Variants in METTL8 observed in about 807,000 individuals in gnomAD.
METTL8 encodes the protein methyltransferase 8, tRNA N3-cytidine.
METTL8 carries 32 observed loss-of-function variants against 48.7 expected under a neutral mutation model. That is an observed-to-expected ratio of 0.66 (90% CI 0.50 to 0.88). The LOEUF is 0.88. Ranked by LOEUF, METTL8 falls within the 40% of genes least tolerant of loss-of-function variation. The pLI, the probability that METTL8 is intolerant of heterozygous loss-of-function variation, is 0.00. For synonymous variants in METTL8, 136 were observed against 157.1 expected (o/e 0.87, Z 1.01); for missense variants, 464 against 474.4 (o/e 0.98, Z 0.20).
At chr2:171,426,071 C>A (rs1383432776) in intron 1 of METTL8, among the ~76,000 whole-genome samples, 1 of 152,132 alleles carries the variant, frequency 6.6e-6, no homozygotes, top group African/African-American at 2.4e-5. Flanking sequence ...GCAGGAGAAT[C>A]TCTTGAACCC....
chr2:171,351,166 C>T (rs1051074680), intron 3 of METTL8, among the ~76,000 whole-genome samples: 25 of 152,072 alleles, frequency 1.6e-4, no homozygotes, highest in South Asian at 1.0e-3. Flanking sequence ...GGATCCAGTT[C>T]CAGCTTTCTA....
At chr2:171,407,935 A>G (rs1420721354) in intron 1 of METTL8, among the ~76,000 whole-genome samples, 1 of 152,248 alleles carries the variant, frequency 6.6e-6, no homozygotes, top group East Asian at 1.9e-4. Context: ...GAAGACACAT[A>G]GCACACAACA....
chr2:171,432,221 A>C (rs528157673), intron 1 of METTL8, among the ~76,000 whole-genome samples: 3 of 148,040 alleles, frequency 2.0e-5, no homozygotes, highest in Non-Finnish European at 4.5e-5. Flanking sequence ...GTGGCAAAGC[A>C]ACGTCAAAAA....
intron 1 of METTL8, among the ~76,000 whole-genome samples, chr2:171,400,832 A>T (rs563312700): frequency 7.2e-5 from 11 of 152,318 alleles, no homozygotes; most frequent in Non-Finnish European, 1.2e-4. Context: ...TAGAGCAAAC[A>T]GTACTGCTGT....
intron 2 of METTL8, among the ~76,000 whole-genome samples, chr2:171,366,439 A>G (rs1685723354): frequency 6.6e-6 from 1 of 152,204 alleles, no homozygotes; most frequent in African/African-American, 2.4e-5. Flanking sequence ...AAGGAAGGCA[A>G]CATAATCCAG....
intron 3 of METTL8, among the ~76,000 whole-genome samples, chr2:171,356,248 C>A (rs1443460910): frequency 2.6e-5 from 4 of 152,242 alleles, no homozygotes. Flanking sequence ...TCAAGCTATT[C>A]TCCTGCCTCA....
Position 171,339,385 on chromosome 2 carries a change from A to C in METTL8, c.405T>G (p.Thr135=), listed in dbSNP as rs769698058. Residue 135 remains threonine, a synonymous_variant, in exon 4 of 10, where the codon ACT becomes ACG. Coordinates refer to ENST00000375258, the MANE Select transcript of METTL8 (RefSeq NM_001321154.2). ...TTCTTGAGAAACGATTTGTAGCACT[A>C]GTTTTTACATGATCCCATGATGATT... The part of the protein sequence containing the change: ...ARESSWDHVK[T]SATNRFSRMH... 6.2e-7 allele frequency: 1 copy of C among 1,613,428 alleles called. No individual in the cohort carries two copies. The highest frequency in any genetic ancestry group is 1.1e-5 in the South Asian group (1 of 91,004).
intron 6 of METTL8, 90 bp downstream of exon 6, chr2:171,331,714 G>T: frequency 1.9e-6 from 2 of 1,037,346 alleles, no homozygotes; most frequent in East Asian, 2.6e-5. Context: ...ACCACGCCCT[G>T]CCTCTAGTGA....
rs1655018343 is a variant in METTL8, at chr2:171,419,514, C to G, written c.-13+14369G>C. Among the ~76,000 whole-genome samples the G allele has an allele frequency of 2.0e-5, 3 of 152,110 alleles. No homozygotes were observed. The South Asian group carries it at 6.2e-4, about 31-fold the overall frequency. On this transcript the variant is annotated intron_variant, in intron 1 of 9. Coordinates refer to ENST00000375258, the MANE Select transcript of METTL8 (RefSeq NM_001321154.2). ...TAATAATTGTTCGATTCTAGTACAC[C>G]TGTATAGTGGTTTCAGAATTATTAC...
chr2:171,353,561 A>G (rs1242623657), intron 3 of METTL8, among the ~76,000 whole-genome samples: 1 of 152,172 alleles, frequency 6.6e-6, no homozygotes, highest in African/African-American at 2.4e-5. Flanking sequence ...TAATGTTGAC[A>G]GTGGGGTGTT....
rs140499665 is a variant in METTL8, at chr2:171,382,793, C to G, written c.143+9250G>C. 1.3e-3 allele frequency among the ~76,000 whole-genome samples: 201 copies of G among 152,186 alleles called. 4 individuals carry two copies. In the East Asian group the frequency reaches 0.014, roughly 11 times the overall value. ...AACAAACAAAAAACACACATCTGGGCCAGACGCGGTGGCTCACGCCTGTAA... is the reference window on the plus strand; with the variant it reads ...AACAAACAAAAAACACACATCTGGGGCAGACGCGGTGGCTCACGCCTGTAA... On this transcript the variant is annotated intron_variant, in intron 2 of 9. Transcript: ENST00000375258.
chr2:171,414,998 A>AT (rs1691155823), intron 1 of METTL8, among the ~76,000 whole-genome samples: 1 of 152,128 alleles, frequency 6.6e-6, no homozygotes. Context: ...CTGCCATGTA[A>AT]ACTGTGCCTT....
In METTL8 at chr2:171,319,335, G is replaced by A. The variant is rs1684412524; in HGVS notation, c.*4837C>T. On this transcript the variant is annotated 3_prime_UTR_variant, in exon 10 of 10. Transcript: ENST00000375258. The stretch of plus-strand genomic sequence containing the variant: ...AGGAGGAGCAGAGGCTTTGAAAGAG[G>A]TCGATTAGTGATGCAAATGTGAAGT... 1 of 152,254 alleles carries A rather than the reference G, an allele frequency of 6.6e-6. No individual in the cohort carries two copies. The highest frequency in any genetic ancestry group is 2.4e-5 in the African/African-American group (1 of 41,468). 9.4% of individuals were successfully genotyped at this position (152,254 alleles called of 1,614,324 possible).
At chr2:171,408,480 T>A (rs1024924114) in intron 1 of METTL8, among the ~76,000 whole-genome samples, 4 of 151,914 alleles carry the variant, frequency 2.6e-5, no homozygotes, top group Non-Finnish European at 5.9e-5. Context: ...TTAGTAGAGA[T>A]GTGGTTTCTC....
chr2:171,392,152 G>A lies in METTL8; in HGVS notation c.34C>T (p.Leu12=). The A allele has an allele frequency of 6.4e-7, 1 of 1,551,538 alleles. No homozygotes were observed. The highest frequency in any genetic ancestry group is 2.4e-5 in the East Asian group (1 of 40,912). ...NMIWRNSISC[L]RLGKVPHRYQ... ...CTGTGTGGCACCTTTCCTAGCCTTAGACAAGAAATGGAATTTCTCCAAATC... is the reference window on the plus strand; with the variant it reads ...CTGTGTGGCACCTTTCCTAGCCTTAAACAAGAAATGGAATTTCTCCAAATC... The change falls in exon 2 of 10, where the codon CTA becomes TTA. Residue 12 remains leucine (L), a synonymous_variant. Coordinates refer to ENST00000375258, the MANE Select transcript of METTL8 (RefSeq NM_001321154.2).
At chr2:171,336,425 G>A (rs1468178121) in intron 5 of METTL8, among the ~76,000 whole-genome samples, 3 of 127,300 alleles carry the variant, frequency 2.4e-5, no homozygotes, top group Admixed American at 9.0e-5. Context: ...TTTTTTAGAC[G>A]GAGTCTCACT....
intron 2 of METTL8, among the ~76,000 whole-genome samples, chr2:171,391,777 A>G (rs1688602101): frequency 6.6e-6 from 1 of 152,166 alleles, no homozygotes; most frequent in South Asian, 2.1e-4. Context: ...CAGCAGGCAA[A>G]TCAGGATCAG....
At chr2:171,413,685 A>C (rs1690983076) in intron 1 of METTL8, among the ~76,000 whole-genome samples, 1 of 152,138 alleles carries the variant, frequency 6.6e-6, no homozygotes, top group East Asian at 1.9e-4. Flanking sequence ...AGCCTTTATA[A>C]TTTTTTAGTG....
At chr2:171,377,001 T>C (rs932382104) in intron 2 of METTL8, among the ~76,000 whole-genome samples, 2 of 152,182 alleles carry the variant, frequency 1.3e-5, no homozygotes, top group Admixed American at 6.5e-5. Flanking sequence ...AATAGGCATA[T>C]AGACCAATGG....
Sources: gnomAD v4.1 joint callset for allele counts (sites outside exome capture counted in the v4.1 genomes callset) on GRCh38, gnomAD v4.1.1 for gene constraint, MANE v1.5 for transcripts, NCBI Gene and HGNC (gene_info 2026-07-23, HGNC 2026-07-21) for gene names.